PDE3A: variants seen among roughly 807,000 people sequenced by gnomAD.
PDE3A encodes the protein cGMP-inhibited 3',5'-cyclic phosphodiesterase 3A.
Under a neutral mutation model 98.3 loss-of-function variants are expected in PDE3A, and 43 were observed. That is an observed-to-expected ratio of 0.44 (90% CI 0.34 to 0.56). The LOEUF (loss-of-function observed/expected upper bound fraction) is 0.56, where lower values mean the gene tolerates loss of function less well. Among genes scored for constraint, PDE3A ranks in the 20% least tolerant of loss-of-function variants. PDE3A has a pLI of 0.01. For synonymous variants in PDE3A, 663 were observed against 567.9 expected, an observed-to-expected ratio of 1.17 and a Z score of -2.38; for missense variants, 1,427 against 1,440.7, an observed-to-expected ratio of 0.99 and a Z score of 0.15.
intron 1 of PDE3A, among the ~76,000 whole-genome samples, chr12:20,432,056 A>G (rs1415897152): frequency 6.6e-6 from 1 of 152,196 alleles, no homozygotes; most frequent in African/African-American, 2.4e-5. Context: ...GCCAATGACA[A>G]TGAAATATTT....
At chr12:20,395,769 C>G (rs1482563673) in intron 1 of PDE3A, among the ~76,000 whole-genome samples, 2 of 150,060 alleles carry the variant, frequency 1.3e-5, no homozygotes, top group African/African-American at 4.9e-5. Context: ...TTTGGGGAGA[C>G]CTATAGAGAT....
chr12:20,649,864 T>A (rs1592146830), intron 13 of PDE3A, among the ~76,000 whole-genome samples: 2 of 151,790 alleles, frequency 1.3e-5, no homozygotes, highest in Admixed American at 6.6e-5. Context: ...GAGGTGGAGG[T>A]TGCACTGAGC....
intron 15 of PDE3A, among the ~76,000 whole-genome samples, chr12:20,664,699 A>G (rs1050878847): frequency 6.6e-6 from 1 of 151,984 alleles, no homozygotes; most frequent in African/African-American, 2.4e-5. Context: ...TTTTTGCCTG[A>G]CACCATGTAA....
At chr12:20,577,337 G>C (rs1240756378) in intron 2 of PDE3A, among the ~76,000 whole-genome samples, 1 of 152,098 alleles carries the variant, frequency 6.6e-6, no homozygotes, top group Non-Finnish European at 1.5e-5. Flanking sequence ...AGGAATCACT[G>C]ATACATACCT....
intron 1 of PDE3A, among the ~76,000 whole-genome samples, chr12:20,524,887 C>A (rs1194797233): frequency 5.3e-5 from 8 of 152,094 alleles, no homozygotes; most frequent in Admixed American, 3.9e-4. Context: ...GTAATCCCAG[C>A]ACTTTGGGAG....
intron 2 of PDE3A, among the ~76,000 whole-genome samples, chr12:20,603,657 C>A (rs1161082127): frequency 6.6e-6 from 1 of 152,060 alleles, no homozygotes; most frequent in Non-Finnish European, 1.5e-5. Flanking sequence ...GACAAACACC[C>A]ACGTGCACAA....
intron 1 of PDE3A, among the ~76,000 whole-genome samples, chr12:20,375,339 A>AT (rs1215403291): frequency 2.6e-5 from 4 of 151,734 alleles, no homozygotes; most frequent in African/African-American, 7.3e-5. Context: ...ATTAAAGGAG[A>AT]TTTTTTGTTG....
At chr12:20,621,513 A>G (rs952255362) in intron 5 of PDE3A, 102 bp downstream of exon 5, 11 of 659,726 alleles carry the variant, frequency 1.7e-5, no homozygotes, top group Non-Finnish European at 3.0e-5. Flanking sequence ...CTATATTCAG[A>G]TATGTTTGGT....
intron 1 of PDE3A, among the ~76,000 whole-genome samples, chr12:20,454,018 A>G (rs1945112567): frequency 6.6e-6 from 1 of 152,150 alleles, no homozygotes; most frequent in African/African-American, 2.4e-5. Context: ...TCAGAAGAAA[A>G]TTTGACATTC....
At chr12:20,630,729 C>T (rs987894080) in intron 6 of PDE3A, among the ~76,000 whole-genome samples, 8 of 152,056 alleles carry the variant, frequency 5.3e-5, no homozygotes, top group African/African-American at 1.2e-4. Context: ...ATTATTTTGC[C>T]AATGTTGTCA....
At chr12:20,604,247 G>A (rs1943661320) in intron 2 of PDE3A, among the ~76,000 whole-genome samples, 1 of 151,848 alleles carries the variant, frequency 6.6e-6, no homozygotes. Flanking sequence ...GAGATAAAAT[G>A]AATTTACTTT....
At chr12:20,676,891 T>A (rs903579793) in intron 15 of PDE3A, among the ~76,000 whole-genome samples, 2 of 152,234 alleles carry the variant, frequency 1.3e-5, no homozygotes, top group Admixed American at 6.5e-5. Flanking sequence ...TGCATCTAGA[T>A]GTCTAAATCT....
intron 1 of PDE3A, among the ~76,000 whole-genome samples, chr12:20,388,804 T>G (rs933980618): frequency 4.6e-5 from 7 of 152,054 alleles, no homozygotes; most frequent in African/African-American, 1.4e-4. Context: ...ATTTCCTGCG[T>G]AAGACTAAGG....
chr12:20,457,828 AAATT>A (rs1482099562), intron 1 of PDE3A, among the ~76,000 whole-genome samples: 8 of 152,182 alleles, frequency 5.3e-5, no homozygotes, highest in African/African-American at 1.4e-4. Context: ...TGCCCTGATT[AAATT>A]AATTAACGTG....
chr12:20,553,660 G>A (rs1942278219), intron 1 of PDE3A, among the ~76,000 whole-genome samples: 1 of 152,098 alleles, frequency 6.6e-6, no homozygotes, highest in South Asian at 2.1e-4. Context: ...CGAGAGCAGG[G>A]AGTTGGGGCC....
chr12:20,431,880 C>T (rs1027248064), intron 1 of PDE3A, among the ~76,000 whole-genome samples: 4 of 152,038 alleles, frequency 2.6e-5, no homozygotes, highest in Admixed American at 6.6e-5. Flanking sequence ...TTGTAAGGTT[C>T]GTAAGTTTTT....
At chr12:20,545,140 G>C (rs1311739026) in intron 1 of PDE3A, among the ~76,000 whole-genome samples, 2 of 152,008 alleles carry the variant, frequency 1.3e-5, no homozygotes, top group African/African-American at 4.8e-5. Flanking sequence ...AAAATTTCAA[G>C]TAATCAGGAT....
chr12:20,508,741 A>G (rs1005179151), intron 1 of PDE3A, among the ~76,000 whole-genome samples: 1 of 151,676 alleles, frequency 6.6e-6, no homozygotes, highest in Non-Finnish European at 1.5e-5. Flanking sequence ...TAAAAAGCTC[A>G]TTGTGATGAT....
chr12:20,617,651 A>G (rs933905447), intron 4 of PDE3A, among the ~76,000 whole-genome samples: 1 of 152,144 alleles, frequency 6.6e-6, no homozygotes, highest in Admixed American at 6.5e-5. Context: ...AGCATGTATC[A>G]TTAGAGTCTG....
Sources: gnomAD v4.1 joint callset for allele counts (sites outside exome capture counted in the v4.1 genomes callset) on GRCh38, gnomAD v4.1.1 for gene constraint, MANE v1.5 for transcripts, NCBI Gene and HGNC (gene_info 2026-07-23, HGNC 2026-07-21) for gene names.